HSD17B11: variants seen among roughly 807,000 people sequenced by gnomAD.
The protein encoded by HSD17B11 is estradiol 17-beta-dehydrogenase 11.
HSD17B11 carries 22 observed loss-of-function variants against 27.8 expected under a neutral mutation model. The ratio of observed to expected loss-of-function variants is 0.79; its 90% CI spans 0.56 to 1.13. The LOEUF (loss-of-function observed/expected upper bound fraction) is 1.13. HSD17B11 is among the 50% of genes most tolerant of loss of function. HSD17B11 has a pLI of 0.00. For synonymous variants in HSD17B11, 117 were observed against 132.8 expected, an observed-to-expected ratio of 0.88 and a Z score of 0.82; for missense variants, 314 against 351.1, an observed-to-expected ratio of 0.89 and a Z score of 0.84.
At chr4:87,389,104 G>A (rs1390910261) in intron 1 of HSD17B11, among the ~76,000 whole-genome samples, 1 of 152,132 alleles carries the variant, frequency 6.6e-6, no homozygotes, top group Non-Finnish European at 1.5e-5. Context: ...GAAAACGAAA[G>A]CTCAGATGTG....
chr4:87,345,353 A>G (rs981930485), intron 5 of HSD17B11: 4 of 152,164 alleles, frequency 2.6e-5, no homozygotes, highest in Non-Finnish European at 5.9e-5. Flanking sequence ...AAATGCCTGC[A>G]TTAAAAAAAG....
At position 87,388,173 on chromosome 4, in the gene HSD17B11, A is replaced by AAAAAC. The variant is rs568194826; in HGVS notation, c.210+2687_210+2688insGTTTT. Among the ~76,000 whole-genome samples the AAAAAC allele has an allele frequency of 9.4e-3, 1,434 of 151,986 alleles. 19 individuals are homozygous for AAAAAC. Among genetic ancestry groups the AAAAAC allele is most frequent in the African/African-American group, 0.029 (1,187 of 41,420 alleles). ...TCTTTCTAGTAGTCACACCAAAAAA[A>AAAAAC]AAAAAAACAATCTAGTGGCATATTT... On this transcript the variant is annotated intron_variant, in intron 1 of 6. Coordinates refer to ENST00000358290, the MANE Select transcript of HSD17B11 (RefSeq NM_016245.5).
rs71738297 is a variant in HSD17B11 at position 87,337,080 on chromosome 4, TTC to T, written c.*194_*195del. On this transcript the variant is annotated 3_prime_UTR_variant, in exon 7 of 7. Transcript: ENST00000358290. ...TCCTTAAAGTCACCTCTAAAGGTAT[TTC>T]TCTGTTTATATCATATGTAATCAGC... 6,628 of 546,370 alleles carry T rather than the reference TTC, an allele frequency of 0.012. 68 individuals are homozygous for T. The highest frequency in any genetic ancestry group is 0.017 in the Non-Finnish European group (5,243 of 311,562). The allele number at this position is 546,370 out of a possible 1,614,324, so 33.8% of individuals were successfully genotyped here.
intron 2 of HSD17B11, among the ~76,000 whole-genome samples, chr4:87,380,365 C>T (rs1360447012): frequency 1.4e-5 from 2 of 144,204 alleles, no homozygotes; most frequent in South Asian, 2.2e-4. Context: ...CCCAGCTACT[C>T]GAGAGGCTGA....
intron 5 of HSD17B11, among the ~76,000 whole-genome samples, chr4:87,354,372 C>G (rs903983371): frequency 6.6e-6 from 1 of 152,056 alleles, no homozygotes; most frequent in Non-Finnish European, 1.5e-5. Context: ...GTAATCCCAG[C>G]ACTTTGAGAG....
At chr4:87,355,186 A>C (rs1013352115) in intron 5 of HSD17B11, among the ~76,000 whole-genome samples, 1 of 152,166 alleles carries the variant, frequency 6.6e-6, no homozygotes, top group Admixed American at 6.5e-5. Context: ...CCAAGTAAGC[A>C]TGTGAACTTA....
intron 1 of HSD17B11, among the ~76,000 whole-genome samples, chr4:87,387,528 C>T (rs1001209728): frequency 6.6e-6 from 1 of 152,188 alleles, no homozygotes; most frequent in Non-Finnish European, 1.5e-5. Context: ...CTGGACTGCT[C>T]CAAATCCCCA....
At chr4:87,363,916 G>C (rs1735570018) in intron 4 of HSD17B11, among the ~76,000 whole-genome samples, 1 of 152,082 alleles carries the variant, frequency 6.6e-6, no homozygotes, top group Non-Finnish European at 1.5e-5. Flanking sequence ...GTTTACCTTT[G>C]GTAAAGTTCA....
At chr4:87,341,395 C>G (rs940309053) in intron 5 of HSD17B11, among the ~76,000 whole-genome samples, 3 of 152,192 alleles carry the variant, frequency 2.0e-5, no homozygotes, top group African/African-American at 4.8e-5. Context: ...TGGTCTTGAA[C>G]TCCTGGACTC....
intron 2 of HSD17B11, among the ~76,000 whole-genome samples, chr4:87,378,017 C>T (rs185753145): frequency 2.5e-4 from 38 of 152,284 alleles, no homozygotes; most frequent in African/African-American, 9.1e-4. Context: ...AGCTGGGACT[C>T]TCCCAGATCT....
chr4:87,382,740 T>G (rs577602168), intron 1 of HSD17B11, among the ~76,000 whole-genome samples: 10 of 152,348 alleles, frequency 6.6e-5, no homozygotes, highest in Middle Eastern at 3.4e-3. Flanking sequence ...GGATGTCAGT[T>G]TACTGTCTGC....
At chr4:87,357,495 G>A (rs999444524) in intron 4 of HSD17B11, 79 bp from the exon 5 acceptor site, 31 of 1,355,100 alleles carry the variant, frequency 2.3e-5, no homozygotes, top group Admixed American at 9.9e-5. Flanking sequence ...ATGGTCCTCT[G>A]CAGAGCAATG....
intron 4 of HSD17B11, among the ~76,000 whole-genome samples, chr4:87,367,191 T>G (rs1190979302): frequency 1.3e-5 from 2 of 152,364 alleles, no homozygotes; most frequent in Non-Finnish European, 1.5e-5. Flanking sequence ...AAATTGGTTA[T>G]TTTACCAAGG....
intron 2 of HSD17B11, among the ~76,000 whole-genome samples, chr4:87,378,873 T>A (rs1354047665): frequency 6.1e-5 from 1 of 16,366 alleles, no homozygotes; most frequent in African/African-American, 4.2e-4. Flanking sequence ...TATAAATATA[T>A]ATATATAAAT....
intron 4 of HSD17B11, among the ~76,000 whole-genome samples, chr4:87,368,926 C>A (rs1030451063): frequency 6.6e-6 from 1 of 152,184 alleles, no homozygotes; most frequent in African/African-American, 2.4e-5. Context: ...TAAAAATGGG[C>A]AACCAGCAGC....
intron 2 of HSD17B11, among the ~76,000 whole-genome samples, chr4:87,375,394 G>A (rs545638654): frequency 1.3e-5 from 2 of 152,302 alleles, no homozygotes; most frequent in East Asian, 3.9e-4. Context: ...AGATCAAGAG[G>A]CATTTGGCTA....
rs140758997 is a variant in HSD17B11, at chr4:87,337,476, AAT to A, written c.813-112_813-111del. The A allele has an allele frequency of 1.3e-3, 871 of 655,724 alleles. 6 individuals are homozygous for A. The African/African-American group carries it at 0.015, about 11-fold the overall frequency. 40.6% of individuals were successfully genotyped at this position (655,724 alleles called of 1,614,324 possible). A position where few individuals can be genotyped will look rare whatever the true frequency, so the allele number is the denominator to read the frequency against. On this transcript the variant is annotated intron_variant, in intron 6 of 6. Coordinates refer to ENST00000358290, the MANE Select transcript of HSD17B11 (RefSeq NM_016245.5). ...ATCATGTATAGTCATGTTCATGTTA[AAT>A]AAGATTAAGCATCTTAAATCTGAGT... is the stretch of plus-strand genomic sequence containing the variant.
chr4:87,340,584 C>G lies in HSD17B11; in HGVS notation c.718G>C (p.Glu240Gln). 6.2e-7 allele frequency: 1 copy of G among 1,613,014 alleles called. No individual in the cohort carries two copies. The highest frequency in any genetic ancestry group is 8.5e-7 in the Non-Finnish European group (1 of 1,179,454). Residue 240 changes from glutamate to glutamine, a missense_variant, in exon 6 of 7, where the codon GAG becomes CAG. Physicochemically the swap from Glu to Gln is conservative, Grantham distance 29 (BLOSUM62 2). Coordinates refer to ENST00000358290, the MANE Select transcript of HSD17B11 (RefSeq NM_016245.5). ...STSLGPTLEP[E>Q]EVVNRLMHGI... ...TGCATCAGCCTGTTTACCACTTCCT[C>G]AGGTTCCAGAGTGGGTCCCAAACTG...
At chr4:87,363,736 T>C (rs912535323) in intron 4 of HSD17B11, among the ~76,000 whole-genome samples, 11 of 152,194 alleles carry the variant, frequency 7.2e-5, no homozygotes, top group East Asian at 1.9e-4. Context: ...AGAAAAGAAA[T>C]AGACACTGCC....
Sources: allele counts gnomAD v4.1 joint callset (sites outside exome capture counted in the v4.1 genomes callset), GRCh38; gene constraint gnomAD v4.1.1; transcripts MANE v1.5; gene names NCBI Gene and HGNC (gene_info 2026-07-23, HGNC 2026-07-21).